STXBP5L: variants seen among roughly 807,000 people sequenced by gnomAD.
STXBP5L encodes syntaxin-binding protein 5-like.
Under a neutral mutation model 144.5 loss-of-function variants are expected in STXBP5L, and 65 were observed. That is an observed-to-expected ratio of 0.45 (90% confidence interval 0.37 to 0.55). STXBP5L has a LOEUF of 0.55. Ranked by LOEUF, STXBP5L falls within the 20% of genes least tolerant of loss-of-function variation. The pLI, the probability that STXBP5L is intolerant of heterozygous loss-of-function variation, is 0.00. For synonymous variants in STXBP5L, 505 were observed against 469.6 expected (o/e 1.08, Z -0.97); for missense variants, 1,298 against 1,405.5 (o/e 0.92, Z 1.22).
intron 9 of STXBP5L, among the ~76,000 whole-genome samples, chr3:121,181,423 A>G (rs931538135): frequency 6.6e-6 from 1 of 152,214 alleles, no homozygotes; most frequent in African/African-American, 2.4e-5. Context: ...AAGATACAAA[A>G]TGGCAGAATG....
chr3:121,278,200 G>A (rs2050943758), intron 18 of STXBP5L, among the ~76,000 whole-genome samples: 1 of 151,934 alleles, frequency 6.6e-6, no homozygotes, highest in Non-Finnish European at 1.5e-5. Flanking sequence ...TTTGTGAAAT[G>A]TATTACCTTG....
intron 9 of STXBP5L, 44 bp downstream of exon 9, chr3:121,157,671 T>C: frequency 6.4e-7 from 1 of 1,568,350 alleles, no homozygotes; most frequent in Non-Finnish European, 8.6e-7. Context: ...GGCAATTCAG[T>C]GCCTTGACTT....
chr3:120,978,291 C>A (rs1209716210), intron 3 of STXBP5L, among the ~76,000 whole-genome samples: 1 of 152,154 alleles, frequency 6.6e-6, no homozygotes, highest in African/African-American at 2.4e-5. Context: ...ACATTTCATT[C>A]ATTTCATCTT....
chr3:121,131,362 G>A (rs1036103605), intron 7 of STXBP5L, among the ~76,000 whole-genome samples: 2 of 152,092 alleles, frequency 1.3e-5, no homozygotes, highest in African/African-American at 4.8e-5. Context: ...AAATGAGAAA[G>A]TTATTAAATT....
chr3:121,376,520 T>C (rs913622349), intron 20 of STXBP5L, among the ~76,000 whole-genome samples: 2 of 152,230 alleles, frequency 1.3e-5, no homozygotes, highest in Non-Finnish European at 2.9e-5. Flanking sequence ...TTTTGTCAGC[T>C]TTGTCAAAGA....
At chr3:121,180,519 T>A (rs904086895) in intron 9 of STXBP5L, among the ~76,000 whole-genome samples, 8 of 152,198 alleles carry the variant, frequency 5.3e-5, no homozygotes, top group Non-Finnish European at 1.0e-4. Context: ...TATAAAACAA[T>A]AATACAATGA....
intron 2 of STXBP5L, among the ~76,000 whole-genome samples, chr3:120,938,758 T>C (rs111621165): frequency 0.012 from 1,815 of 152,234 alleles, 35 homozygotes; most frequent in African/African-American, 0.04. Context: ...GTTGGTGACC[T>C]TGAACAGTTG....
At chr3:120,924,870 C>T (rs1299580581) in intron 2 of STXBP5L, 1 of 152,284 alleles carries the variant, frequency 6.6e-6, no homozygotes, top group Non-Finnish European at 1.5e-5. Context: ...GTGACCACGC[C>T]TGGCTAATTT....
chr3:121,279,769 G>A, intron 18 of STXBP5L, 36 bp from the exon 19 acceptor site: 1 of 1,603,804 alleles, frequency 6.2e-7, no homozygotes, highest in Non-Finnish European at 8.5e-7. Context: ...CATGCTTGTT[G>A]TGATACATTC....
At chr3:120,990,728 G>C (rs1393412356) in intron 3 of STXBP5L, among the ~76,000 whole-genome samples, 1 of 152,186 alleles carries the variant, frequency 6.6e-6, no homozygotes, top group South Asian at 2.1e-4. Flanking sequence ...AAGAAATGGG[G>C]AAAAGATTCC....
chr3:121,087,403 GA>G (rs937266953), intron 5 of STXBP5L, among the ~76,000 whole-genome samples: 2 of 151,948 alleles, frequency 1.3e-5, no homozygotes, highest in African/African-American at 2.4e-5. Flanking sequence ...CTTCTTGGTA[GA>G]GTGACCATTT....
intron 6 of STXBP5L, among the ~76,000 whole-genome samples, chr3:121,117,715 T>C (rs1426684028): frequency 3.3e-5 from 5 of 151,820 alleles, no homozygotes; most frequent in African/African-American, 1.2e-4. Context: ...ACTTTTCATT[T>C]AATGTTTATT....
At chr3:121,353,343 A>G (rs1181115926) in intron 20 of STXBP5L, among the ~76,000 whole-genome samples, 1 of 152,214 alleles carries the variant, frequency 6.6e-6, no homozygotes, top group African/African-American at 2.4e-5. Flanking sequence ...GCTATTAATT[A>G]TCACATCAGT....
intron 18 of STXBP5L, among the ~76,000 whole-genome samples, chr3:121,263,456 G>A (rs1326016575): frequency 6.6e-6 from 1 of 152,108 alleles, no homozygotes; most frequent in East Asian, 1.9e-4. Context: ...GAACAAAACT[G>A]AATGGAGAAT....
At chr3:121,184,501 G>C (rs927094808) in intron 9 of STXBP5L, among the ~76,000 whole-genome samples, 1 of 151,750 alleles carries the variant, frequency 6.6e-6, no homozygotes, top group Non-Finnish European at 1.5e-5. Context: ...AAAGTGTGAA[G>C]ACAAGATTAG....
chr3:121,016,291 T>C (rs562630876), intron 3 of STXBP5L, among the ~76,000 whole-genome samples: 106 of 152,276 alleles, frequency 7.0e-4, no homozygotes, highest in African/African-American at 2.4e-3. Flanking sequence ...ATTATGGAAT[T>C]GTTAGAAAAG....
intron 5 of STXBP5L, among the ~76,000 whole-genome samples, chr3:121,111,487 C>T (rs2043984776): frequency 6.6e-6 from 1 of 152,206 alleles, no homozygotes; most frequent in African/African-American, 2.4e-5. Context: ...TCAGGCCCCT[C>T]TTCTGGTTTG....
intron 9 of STXBP5L, among the ~76,000 whole-genome samples, chr3:121,178,763 G>A (rs937698366): frequency 6.6e-6 from 1 of 152,064 alleles, no homozygotes; most frequent in African/African-American, 2.4e-5. Context: ...AGCCATATAG[G>A]CATTCTCAGT....
At chr3:121,096,349 A>T (rs370848555) in intron 5 of STXBP5L, among the ~76,000 whole-genome samples, 2 of 152,082 alleles carry the variant, frequency 1.3e-5, no homozygotes, top group Non-Finnish European at 2.9e-5. Flanking sequence ...TCTGAAGCCT[A>T]CTTTTGTCAG....
Sources: gnomAD v4.1 joint callset for allele counts (sites outside exome capture counted in the v4.1 genomes callset) on GRCh38, gnomAD v4.1.1 for gene constraint, MANE v1.5 for transcripts, NCBI Gene and HGNC (gene_info 2026-07-23, HGNC 2026-07-21) for gene names.